Variants in GSK3B observed in about 807,000 individuals in gnomAD.
The protein encoded by GSK3B is glycogen synthase kinase 3 beta.
GSK3B carries 15 observed loss-of-function variants against 56.4 expected under a neutral mutation model. That is an observed-to-expected ratio of 0.27 (90% CI 0.18 to 0.41). The LOEUF (loss-of-function observed/expected upper bound fraction) is 0.41. Ranked by LOEUF, GSK3B falls within the 10% of genes least tolerant of loss-of-function variation. The pLI, the probability that GSK3B is intolerant of heterozygous loss-of-function variation, is 1.00. For synonymous variants in GSK3B, 181 were observed against 188.9 expected (o/e 0.96, Z 0.34); for missense variants, 300 against 513.4 (o/e 0.58, Z 4.02).
intron 1 of GSK3B, chr3:120,029,899 G>A: frequency 1.8e-6 from 1 of 547,102 alleles, no homozygotes; most frequent in Non-Finnish European, 3.7e-6. Context: ...GGTGTATCTG[G>A]TCCATGATGC....
chr3:119,844,067 A>G (rs1235472990), intron 9 of GSK3B, among the ~76,000 whole-genome samples: 1 of 152,244 alleles, frequency 6.6e-6, no homozygotes, highest in African/African-American at 2.4e-5. Flanking sequence ...CTGCTCCTGA[A>G]TGACTACTGG....
rs139807837 is a variant in GSK3B, at chr3:120,056,254, T to C, written c.88+37093A>G. ...TTTTTTAAATGTCTCTTTTAATTTC[T>C]AAGATGGCAAAGATCTACAGATGTC... On this transcript the variant is annotated intron_variant, in intron 1 of 10. Transcript: ENST00000264235. Among the ~76,000 whole-genome samples the C allele has an allele frequency of 7.6e-3, 1,165 of 152,376 alleles. 14 individuals are homozygous for C. The highest frequency in any genetic ancestry group is 0.026 in the African/African-American group (1,092 of 41,580).
At chr3:119,861,361 A>C (rs145408569) in intron 9 of GSK3B, among the ~76,000 whole-genome samples, 232 of 152,106 alleles carry the variant, frequency 1.5e-3, no homozygotes, top group Middle Eastern at 3.4e-3. Context: ...AAATACAAAA[A>C]TTAGCCAGGT....
chr3:120,084,264 A>G (rs1013252819), intron 1 of GSK3B, among the ~76,000 whole-genome samples: 1 of 152,192 alleles, frequency 6.6e-6, no homozygotes, highest in African/African-American at 2.4e-5. Flanking sequence ...TGGCATAATT[A>G]TATCAGTATG....
intron 1 of GSK3B, among the ~76,000 whole-genome samples, chr3:120,054,522 C>A (rs2058177294): frequency 6.6e-6 from 1 of 152,116 alleles, no homozygotes; most frequent in Admixed American, 6.6e-5. Context: ...CTCCCCTAAC[C>A]TTTTTTCTTT....
At chr3:120,021,651 G>C (rs1180805396) in intron 1 of GSK3B, among the ~76,000 whole-genome samples, 1 of 152,186 alleles carries the variant, frequency 6.6e-6, no homozygotes, top group African/African-American at 2.4e-5. Context: ...GAAATAGAAA[G>C]AGAACCAGAA....
chr3:119,907,785 A>G (rs2107449208), intron 6 of GSK3B, among the ~76,000 whole-genome samples: 1 of 152,314 alleles, frequency 6.6e-6, no homozygotes, highest in Middle Eastern at 3.4e-3. Flanking sequence ...TGCCCAAGGT[A>G]AAGGTACTGA....
chr3:120,045,995 T>A (rs1559889721), intron 1 of GSK3B, among the ~76,000 whole-genome samples: 1 of 152,002 alleles, frequency 6.6e-6, no homozygotes, highest in African/African-American at 2.4e-5. Flanking sequence ...CTACATACTG[T>A]ATGATTCCAA....
At chr3:120,034,986 G>A (rs990230746) in intron 1 of GSK3B, among the ~76,000 whole-genome samples, 15 of 152,042 alleles carry the variant, frequency 9.9e-5, no homozygotes, top group African/African-American at 2.4e-4. Context: ...CCAGCTACTC[G>A]GGTGGCTAAG....
intron 2 of GSK3B, among the ~76,000 whole-genome samples, chr3:119,988,862 A>G (rs2107463233): frequency 6.6e-6 from 1 of 152,372 alleles, no homozygotes; most frequent in African/African-American, 2.4e-5. Flanking sequence ...AGCCAAGTAT[A>G]ATAAAGCAAA....
At chr3:119,882,114 A>T (rs116367149) in intron 7 of GSK3B, among the ~76,000 whole-genome samples, 1 of 152,070 alleles carries the variant, frequency 6.6e-6, no homozygotes, top group Non-Finnish European at 1.5e-5. Context: ...GTATAATGTA[A>T]AAGTCAGGAT....
intron 1 of GSK3B, chr3:120,029,264 T>A: frequency 2.8e-6 from 2 of 727,038 alleles, no homozygotes; most frequent in South Asian, 2.8e-5. Flanking sequence ...TGCAAATGAA[T>A]GTCTTTGTAT....
At chr3:119,922,686 C>G (rs2056855111) in intron 4 of GSK3B, among the ~76,000 whole-genome samples, 1 of 151,692 alleles carries the variant, frequency 6.6e-6, no homozygotes, top group African/African-American at 2.4e-5. Context: ...ATTTTATTTT[C>G]TACAGTTATT....
intron 1 of GSK3B, among the ~76,000 whole-genome samples, chr3:120,007,013 A>C (rs1181611419): frequency 6.6e-6 from 1 of 152,092 alleles, no homozygotes; most frequent in Admixed American, 6.6e-5. Flanking sequence ...AAAATAGACC[A>C]TTAGCAACAC....
rs540017291 is a variant in GSK3B at position 120,005,139 on chromosome 3, T to G, written c.89-2900A>C. On this transcript the variant is annotated intron_variant, in intron 1 of 10. Transcript: ENST00000264235. ...GAACATGGTGAAGCATACACAAGCT[T>G]CAGTAGCTGATTCAATCAAGCAGAA... is the stretch of plus-strand genomic sequence containing the variant. Among the ~76,000 whole-genome samples, 3 of 151,850 alleles carry G rather than the reference T, an allele frequency of 2.0e-5. No homozygotes were observed. The East Asian group carries it at 5.8e-4, about 29-fold the overall frequency.
At chr3:119,848,174 C>A (rs2108016528) in intron 9 of GSK3B, among the ~76,000 whole-genome samples, 1 of 152,302 alleles carries the variant, frequency 6.6e-6, no homozygotes, top group Admixed American at 6.5e-5. Context: ...CGAGCTTGTA[C>A]ACAAAAGCAT....
At chr3:120,082,643 C>T (rs2058431181) in intron 1 of GSK3B, among the ~76,000 whole-genome samples, 1 of 151,926 alleles carries the variant, frequency 6.6e-6, no homozygotes, top group Admixed American at 6.6e-5. Flanking sequence ...ATCCACCCGC[C>T]TCGGTCTCCC....
intron 7 of GSK3B, among the ~76,000 whole-genome samples, chr3:119,899,712 AACT>A (rs1357420352): frequency 6.6e-6 from 1 of 152,164 alleles, no homozygotes; most frequent in Non-Finnish European, 1.5e-5. Context: ...AATTGAAAGC[AACT>A]ACTTTTTCAT....
chr3:119,833,552 G>C (rs950248384), intron 10 of GSK3B, among the ~76,000 whole-genome samples: 1 of 152,018 alleles, frequency 6.6e-6, no homozygotes, highest in Non-Finnish European at 1.5e-5. Context: ...CACATTTCAA[G>C]TTCTCAGCTA....
Sources: allele counts gnomAD v4.1 joint callset (sites outside exome capture counted in the v4.1 genomes callset), GRCh38; gene constraint gnomAD v4.1.1; transcripts MANE v1.5; gene names NCBI Gene and HGNC (gene_info 2026-07-23, HGNC 2026-07-21).